FGF14: variants seen among roughly 807,000 people sequenced by gnomAD.
The protein encoded by FGF14 is fibroblast growth factor 14, also known as fibroblast growth factor homologous factor 4.
FGF14 carries 5 observed loss-of-function variants against 25.5 expected under a neutral mutation model. That is an observed-to-expected ratio of 0.20 (90% CI 0.10 to 0.41). The LOEUF (loss-of-function observed/expected upper bound fraction) is 0.41, where lower values mean the gene tolerates loss of function less well. Among genes scored for constraint, FGF14 ranks in the 10% least tolerant of loss-of-function variants. The pLI is 1.00. For missense variants in FGF14, 222 were observed against 320.1 expected (o/e 0.69, Z 2.34); for synonymous variants, 138 against 118.3 (o/e 1.17, Z -1.08).
intron 1 of FGF14, among the ~76,000 whole-genome samples, chr13:102,283,341 A>AAAG (rs1018761401): frequency 6.6e-6 from 1 of 152,200 alleles, no homozygotes; most frequent in Non-Finnish European, 1.5e-5. Flanking sequence ...ATTACTTTAA[A>AAAG]AAGAAGAAGA....
At chr13:102,122,189 T>C (rs960574363) in intron 1 of FGF14, among the ~76,000 whole-genome samples, 9 of 152,344 alleles carry the variant, frequency 5.9e-5, no homozygotes, top group African/African-American at 2.2e-4. Flanking sequence ...TGAAGATTTC[T>C]ATTCATTCAG....
chr13:102,215,833 A>G (rs1252924434), intron 1 of FGF14, among the ~76,000 whole-genome samples: 1 of 152,230 alleles, frequency 6.6e-6, no homozygotes, highest in Non-Finnish European at 1.5e-5. Flanking sequence ...CGCTATGTAC[A>G]TTATTTTAGG....
At chr13:101,967,529 G>C (rs922622759) in intron 1 of FGF14, 3 of 152,186 alleles carry the variant, frequency 2.0e-5, no homozygotes, top group African/African-American at 7.2e-5. Context: ...AATAACACAA[G>C]CAAAATACAA....
intron 1 of FGF14, among the ~76,000 whole-genome samples, chr13:102,054,593 G>C (rs1054447990): frequency 2.4e-4 from 37 of 152,066 alleles, no homozygotes; most frequent in Non-Finnish European, 4.4e-5. Flanking sequence ...GACTTTCCCT[G>C]GGTTTTCTCA....
intron 1 of FGF14, among the ~76,000 whole-genome samples, chr13:102,165,375 T>C (rs938772328): frequency 1.3e-5 from 2 of 152,054 alleles, no homozygotes; most frequent in African/African-American, 2.4e-5. Context: ...CGTATGTTTA[T>C]TGCAGCACTA....
intron 4 of FGF14, among the ~76,000 whole-genome samples, chr13:101,725,712 C>T (rs2035373535): frequency 6.6e-6 from 1 of 151,928 alleles, no homozygotes; most frequent in Non-Finnish European, 1.5e-5. Context: ...TCCAAGCTAG[C>T]TTAAAATATT....
In FGF14 at chr13:102,400,337, C is replaced by T. The variant is rs911720264; in HGVS notation, c.208+1134G>A. Among the ~76,000 whole-genome samples, 3 of 152,228 alleles carry T rather than the reference C, an allele frequency of 2.0e-5. No individual in the cohort carries two copies. Among genetic ancestry groups the T allele is most frequent in the African/African-American group, 4.8e-5 (2 of 41,458 alleles). ...GCGGGACGGCCGATCTGCCCGCTCC[C>T]TCCTTCAGACACAACCCCAGACAAA... On this transcript the variant is annotated intron_variant, in intron 1 of 4. Coordinates refer to the FGF14 transcript ENST00000376131. This position sits in a 1 kb window ranked among gnomAD's most constrained non-coding sequence, Gnocchi z 4.3.
intron 3 of FGF14, among the ~76,000 whole-genome samples, chr13:101,783,248 G>A (rs2039618119): frequency 6.6e-6 from 1 of 151,940 alleles, no homozygotes; most frequent in Non-Finnish European, 1.5e-5. Flanking sequence ...GAGGCGGGTG[G>A]ATCACAAGGT....
chr13:102,059,904 A>AAAAC (rs368546951), intron 1 of FGF14, among the ~76,000 whole-genome samples: 1 of 151,352 alleles, frequency 6.6e-6, no homozygotes, highest in Non-Finnish European at 1.5e-5. Flanking sequence ...GAAAAGAAAC[A>AAAAC]AAACAAACAA....
At chr13:102,176,115 CTCATA>C (rs1306522443) in intron 1 of FGF14, among the ~76,000 whole-genome samples, 1 of 152,102 alleles carries the variant, frequency 6.6e-6, no homozygotes, top group Non-Finnish European at 1.5e-5. Context: ...GACATGTGCA[CTCATA>C]TGTTTATCGC....
At chr13:101,994,069 A>C (rs2039051135) in intron 1 of FGF14, among the ~76,000 whole-genome samples, 1 of 152,036 alleles carries the variant, frequency 6.6e-6, no homozygotes, top group Non-Finnish European at 1.5e-5. Context: ...TTTATTCTAA[A>C]AGGATGCATA....
At chr13:101,950,141 G>T (rs1490410857) in intron 1 of FGF14, among the ~76,000 whole-genome samples, 1 of 151,996 alleles carries the variant, frequency 6.6e-6, no homozygotes, top group Non-Finnish European at 1.5e-5. Context: ...TGCCCAATAA[G>T]AACAGAAAAG....
intron 3 of FGF14, among the ~76,000 whole-genome samples, chr13:101,839,985 C>T (rs2140313497): frequency 6.6e-6 from 1 of 152,036 alleles, no homozygotes; most frequent in East Asian, 1.9e-4. Context: ...TTTTGTGTCC[C>T]TTTAACTCCA....
At chr13:101,754,716 A>C (rs1291579183) in intron 3 of FGF14, among the ~76,000 whole-genome samples, 4 of 152,148 alleles carry the variant, frequency 2.6e-5, no homozygotes, top group Admixed American at 6.6e-5. Context: ...GTGACGAAGT[A>C]AGACTCCATA....
chr13:101,818,209 T>C (rs2041936765), intron 3 of FGF14, among the ~76,000 whole-genome samples: 1 of 152,218 alleles, frequency 6.6e-6, no homozygotes, highest in Non-Finnish European at 1.5e-5. Context: ...GAGTGAAAGA[T>C]TCATTTTTGC....
chr13:101,928,786 T>C (rs2034547944), intron 1 of FGF14, among the ~76,000 whole-genome samples: 2 of 152,192 alleles, frequency 1.3e-5, no homozygotes, highest in Non-Finnish European at 2.9e-5. Context: ...CAGAAGGCCT[T>C]GGCTACAATG....
At chr13:102,106,697 G>A (rs1424453610) in intron 1 of FGF14, among the ~76,000 whole-genome samples, 1 of 152,058 alleles carries the variant, frequency 6.6e-6, no homozygotes, top group Non-Finnish European at 1.5e-5. Flanking sequence ...ATGATCACAA[G>A]GTAGACATTT....
chr13:102,181,496 A>C (rs2048673408), intron 1 of FGF14, among the ~76,000 whole-genome samples: 1 of 152,178 alleles, frequency 6.6e-6, no homozygotes, highest in African/African-American at 2.4e-5. Flanking sequence ...GTAAGCCCTA[A>C]TCCAATATAA....
rs116972367 is a variant in FGF14 at position 101,862,968 on chromosome 13, G to A, written c.408+5757C>T. Among the ~76,000 whole-genome samples the A allele has an allele frequency of 6.8e-3, 1,029 of 152,106 alleles. 9 individuals are homozygous for A. The highest frequency in any genetic ancestry group is 0.018 in the South Asian group (86 of 4,826). On this transcript the variant is annotated intron_variant, in intron 3 of 4. Transcript: ENST00000376143. ...AATATAAACAGAAACACTCATAATC[G>A]TGGGATAAATGTATATATAATTTGA...
Sources: allele counts gnomAD v4.1 joint callset (sites outside exome capture counted in the v4.1 genomes callset), GRCh38; gene constraint gnomAD v4.1.1; non-coding constraint Gnocchi (gnomAD v3.1); transcripts MANE v1.5; gene names NCBI Gene and HGNC (gene_info 2026-07-23, HGNC 2026-07-21).